The following EVC2 variants were observed in gnomAD, a reference collection of about 807,000 sequenced individuals.
The protein encoded by EVC2 is limbin.
EVC2 carries 148 observed loss-of-function variants against 149.3 expected under a neutral mutation model. That is an observed-to-expected ratio of 0.99 (90% CI 0.87 to 1.14). The LOEUF (loss-of-function observed/expected upper bound fraction) is 1.14, where lower values mean the gene tolerates loss of function less well. Among genes scored for constraint, EVC2 ranks in the 50% most tolerant of loss-of-function variants. EVC2 has a pLI of 0.00. For missense variants in EVC2, 1,854 were observed against 1,627.3 expected (o/e 1.14, Z -2.40); for synonymous variants, 776 against 649.9 (o/e 1.19, Z -2.95).
chr4:5,624,180 C>T lies in EVC2; in HGVS notation c.2047-1189G>A, dbSNP rs1459500153. Among the ~76,000 whole-genome samples, 10 of 151,924 alleles carry T rather than the reference C, an allele frequency of 6.6e-5. No individual in the cohort carries two copies. In the East Asian group the frequency reaches 1.7e-3, roughly 26 times the overall value. ...GAAAAAGCAGTTGGTGCAAAGGCCC[C>T]GTGGTGGGAAAAAAATTGAGATGCA... On this transcript the variant is annotated intron_variant, in intron 13 of 21. Coordinates refer to ENST00000344408, the MANE Select transcript of EVC2 (RefSeq NM_147127.5).
chr4:5,625,654 AG>A lies in EVC2; in HGVS notation c.2046+94del. 2 of 1,528,422 alleles carry A rather than the reference AG, an allele frequency of 1.3e-6. No individual in the cohort carries two copies. The highest frequency in any genetic ancestry group is 2.3e-5 in the South Asian group (2 of 87,220). The allele number at this position is 1,528,422 out of a possible 1,614,324, so 94.7% of individuals were successfully genotyped here. A position where few individuals can be genotyped will look rare whatever the true frequency, so the allele number is the denominator to read the frequency against. On this transcript the variant is annotated intron_variant, in intron 13 of 21. Transcript: ENST00000344408. The surrounding 1 kb of genome is among the most constrained non-coding windows in gnomAD (Gnocchi z 4.0). ...CCTGCCCAGCTGCCCTTCTGATCCT[AG>A]TTCACCAATGGCAATGTCTGGCACA...
chr4:5,557,636 A>T (rs1166657565), downstream of EVC2, among the ~76,000 whole-genome samples: 1 of 152,136 alleles, frequency 6.6e-6, no homozygotes, highest in Non-Finnish European at 1.5e-5. Context: ...AGATGACATA[A>T]TTGTCTATAT....
chr4:5,530,751 C>A, the EVC2 span, among the ~76,000 whole-genome samples: 588 of 152,314 alleles, frequency 3.9e-3, 2 homozygotes, highest in African/African-American at 0.012. Flanking sequence ...CTGACTACCT[C>A]ATAAGGTAAA....
At chr4:5,706,114 C>T (rs1026768645) in intron 1 of EVC2, among the ~76,000 whole-genome samples, 1 of 151,894 alleles carries the variant, frequency 6.6e-6, no homozygotes, top group East Asian at 1.9e-4. Flanking sequence ...CTGACTCCTT[C>T]CCTGGCTAAA....
At position 5,584,761 on chromosome 4, in the gene EVC2, C is replaced by A. The variant is rs759657816; in HGVS notation, c.2919G>T (p.Gln973His). 8 of 1,614,096 alleles carry A rather than the reference C, an allele frequency of 5.0e-6. No individual in the cohort carries two copies. Residue 973 changes from glutamine (Q) to histidine (H), a missense_variant, in exon 17 of 22, where the codon CAG (glutamine) becomes CAT (histidine). Physicochemically the swap from Gln to His is conservative, Grantham distance 24. Coordinates refer to ENST00000344408, the MANE Select transcript of EVC2 (RefSeq NM_147127.5). ...FAQSLVALQF[Q>H]KASRVTETLS... ...GAGTCTCGGTCACCCGGGACGCCTT[C>A]TGGAACTGCAGAGCAACAAGCGACT...
rs564320592 is a variant in EVC2, at chr4:5,618,701, A to G, written c.2502-19T>C. On this transcript the variant is annotated intron_variant, in intron 14 of 21. Coordinates refer to ENST00000344408, the MANE Select transcript of EVC2 (RefSeq NM_147127.5). The surrounding 1 kb of genome is among the most constrained non-coding windows in gnomAD (Gnocchi z 4.4). ...GAGCTTCCTGGGAGGAAGAACAGAG[A>G]CACACTCTTAACACAGAGAAAGCCT... 3.8e-6 allele frequency: 6 copies of G among 1,570,482 alleles called. No individual in the cohort carries two copies. The African/African-American group carries it at 8.1e-5, about 21-fold the overall frequency.
At position 5,679,100 on chromosome 4, in the gene EVC2, T is replaced by C. The variant is rs1246889390; in HGVS notation, c.870+2160A>G. ...AAAAAATACACTCGTATAGGAAATG[T>C]ATCATAACTCGAGCTTGCAGGTCTG... On this transcript the variant is annotated intron_variant, in intron 7 of 21. Transcript: ENST00000344408. This position sits in a 1 kb window ranked among gnomAD's most constrained non-coding sequence, Gnocchi z 5.1. Among the ~76,000 whole-genome samples, 1 of 151,974 alleles carries C rather than the reference T, an allele frequency of 6.6e-6. No individual in the cohort carries two copies. The highest frequency in any genetic ancestry group is 1.5e-5 in the Non-Finnish European group (1 of 68,006).
At chr4:5,558,185 T>C (rs908690946), downstream of EVC2, among the ~76,000 whole-genome samples, 4 of 152,192 alleles carry the variant, frequency 2.6e-5, no homozygotes, top group African/African-American at 4.8e-5. Context: ...GTAATCAAGA[T>C]AGTGTGGTAT....
intron 16 of EVC2, among the ~76,000 whole-genome samples, chr4:5,593,933 T>G (rs1346151420): frequency 6.6e-6 from 1 of 152,218 alleles, no homozygotes; most frequent in African/African-American, 2.4e-5. Context: ...CCACCTGGCT[T>G]GGAGGGTCCT....
At chr4:5,572,817 T>C (rs1722712152) in intron 19 of EVC2, among the ~76,000 whole-genome samples, 1 of 152,084 alleles carries the variant, frequency 6.6e-6, no homozygotes, top group Non-Finnish European at 1.5e-5. Flanking sequence ...GGAATCAAAG[T>C]TGAGAGTGGG....
intron 7 of EVC2, among the ~76,000 whole-genome samples, chr4:5,672,911 T>C (rs572500645): frequency 1.3e-5 from 2 of 152,168 alleles, no homozygotes; most frequent in Admixed American, 6.5e-5. Flanking sequence ...ACACGTACTG[T>C]GTGATTCCAC....
At chr4:5,699,916 T>C (rs1460555760) in intron 1 of EVC2, among the ~76,000 whole-genome samples, 3 of 152,084 alleles carry the variant, frequency 2.0e-5, no homozygotes, top group Non-Finnish European at 4.4e-5. Context: ...CAAGGTAGGC[T>C]GATCACTTGA....
At chr4:5,550,698 T>C (rs1025306963) in intron 21 of EVC2, among the ~76,000 whole-genome samples, 1 of 152,100 alleles carries the variant, frequency 6.6e-6, no homozygotes, top group Non-Finnish European at 1.5e-5. Flanking sequence ...CCCAAGACAA[T>C]GGGGAAAATG....
At chr4:5,539,557 A>C (rs1325756513), downstream of EVC2, among the ~76,000 whole-genome samples, 3 of 152,244 alleles carry the variant, frequency 2.0e-5, no homozygotes, top group Non-Finnish European at 4.4e-5. Flanking sequence ...TACAGTAATC[A>C]GGAAATGGTG....
chr4:5,677,095 C>T lies in EVC2; in HGVS notation c.870+4165G>A, dbSNP rs956453216. ...TCATGTGTAAATAATAGTAATAATA[C>T]TGCTGACGACAACAGCTGACATTTA... On this transcript the variant is annotated intron_variant, in intron 7 of 21. Coordinates refer to ENST00000344408, the MANE Select transcript of EVC2 (RefSeq NM_147127.5). This position sits in a 1 kb window ranked among gnomAD's most constrained non-coding sequence, Gnocchi z 4.3. 6.6e-6 allele frequency among the ~76,000 whole-genome samples: 1 copy of T among 152,174 alleles called. No homozygotes were observed. The highest frequency in any genetic ancestry group is 1.5e-5 in the Non-Finnish European group (1 of 68,030).
At chr4:5,547,495 T>C (rs1721645168) in intron 21 of EVC2, among the ~76,000 whole-genome samples, 1 of 152,206 alleles carries the variant, frequency 6.6e-6, no homozygotes, top group African/African-American at 2.4e-5. Context: ...GAGTGGGAAC[T>C]TGTGGTGCCT....
intron 16 of EVC2, among the ~76,000 whole-genome samples, chr4:5,597,238 A>C (rs1403894875): frequency 1.3e-5 from 2 of 152,318 alleles, no homozygotes; most frequent in East Asian, 3.9e-4. Flanking sequence ...TCATCCTGAT[A>C]CCAAAGCCGG....
At chr4:5,656,807 G>A (rs935327545) in intron 9 of EVC2, among the ~76,000 whole-genome samples, 1 of 152,184 alleles carries the variant, frequency 6.6e-6, no homozygotes, top group African/African-American at 2.4e-5. Flanking sequence ...AGTTTCTGTT[G>A]CATGAAACCA....
chr4:5,602,441 T>A (rs916956110), intron 16 of EVC2, among the ~76,000 whole-genome samples: 4 of 151,936 alleles, frequency 2.6e-5, no homozygotes, highest in African/African-American at 7.2e-5. Flanking sequence ...TCCAGTTTTC[T>A]ACAAGATTCA....
Sources: allele counts gnomAD v4.1 joint callset (sites outside exome capture counted in the v4.1 genomes callset), GRCh38; gene constraint gnomAD v4.1.1; non-coding constraint Gnocchi (gnomAD v3.1); transcripts MANE v1.5; gene names NCBI Gene and HGNC (gene_info 2026-07-23, HGNC 2026-07-21).